PRKN: variants seen among roughly 807,000 people sequenced by gnomAD.
PRKN encodes the protein parkin RBR E3 ubiquitin protein ligase, also known as E3 ubiquitin-protein ligase parkin.
A neutral mutation model predicts 59.5 loss-of-function variants in PRKN; 56 were observed. That is an observed-to-expected ratio of 0.94 (90% CI 0.76 to 1.18). PRKN has a LOEUF of 1.18. PRKN is among the 50% of genes most tolerant of loss of function. The pLI, the probability that PRKN is intolerant of heterozygous loss-of-function variation, is 0.00. For synonymous variants in PRKN, 250 were observed against 222.1 expected (o/e 1.13, Z -1.12); for missense variants, 657 against 596.4 (o/e 1.10, Z -1.06).
chr6:162,589,853 TC>T (rs1781229732), intron 1 of PRKN, among the ~76,000 whole-genome samples: 1 of 152,242 alleles, frequency 6.6e-6, no homozygotes. Flanking sequence ...TGTTTTTGTT[TC>T]TGTCATGGTA....
At chr6:161,587,632 C>CT (rs75728769) in intron 7 of PRKN, among the ~76,000 whole-genome samples, 179 of 150,524 alleles carry the variant, frequency 1.2e-3, no homozygotes, top group African/African-American at 3.7e-3. Context: ...TTCATTCCTG[C>CT]TTTTTTTTTA....
At chr6:162,125,538 T>A (rs1291793864) in intron 4 of PRKN, among the ~76,000 whole-genome samples, 1 of 152,106 alleles carries the variant, frequency 6.6e-6, no homozygotes, top group Non-Finnish European at 1.5e-5. Flanking sequence ...GAAGAAAGGG[T>A]TAGAACACGA....
At chr6:161,922,435 C>G (rs1186487146) in intron 6 of PRKN, among the ~76,000 whole-genome samples, 1 of 152,002 alleles carries the variant, frequency 6.6e-6, no homozygotes, top group African/African-American at 2.4e-5. Context: ...TATTAGTTTA[C>G]TTTTTTCTCT....
chr6:161,956,697 A>G (rs1056780001), intron 6 of PRKN, among the ~76,000 whole-genome samples: 4 of 152,204 alleles, frequency 2.6e-5, no homozygotes, highest in African/African-American at 7.2e-5. Flanking sequence ...TTGCAAAAAC[A>G]TATACATATA....
chr6:161,421,794 A>C (rs1035557749), intron 9 of PRKN, among the ~76,000 whole-genome samples: 6 of 152,204 alleles, frequency 3.9e-5, no homozygotes, highest in Non-Finnish European at 7.3e-5. Flanking sequence ...TTTTTTAAAA[A>C]GTTAAAATTT....
Position 162,482,125 on chromosome 6 carries a change from G to A in PRKN, c.8-38652C>T, listed in dbSNP as rs1240787061. On this transcript the variant is annotated intron_variant, in intron 1 of 11. Coordinates refer to ENST00000366898, the MANE Select transcript of PRKN (RefSeq NM_004562.3). Reference sequence around the variant, plus strand: ...ATGTTTACTCAGATAATGAAAAGTGGTGTGATAACCTTATCTCCTGGGATA... The same window carrying A: ...ATGTTTACTCAGATAATGAAAAGTGATGTGATAACCTTATCTCCTGGGATA... Among the ~76,000 whole-genome samples the A allele has an allele frequency of 3.3e-5, 5 of 152,248 alleles. No individual in the cohort carries two copies. The East Asian group carries it at 9.7e-4, about 29-fold the overall frequency.
At chr6:162,402,622 T>C (rs1006301146) in intron 2 of PRKN, among the ~76,000 whole-genome samples, 1 of 151,536 alleles carries the variant, frequency 6.6e-6, no homozygotes, top group South Asian at 2.1e-4. Context: ...GGGGTTTGTG[T>C]CTTTCCTTGT....
intron 7 of PRKN, among the ~76,000 whole-genome samples, chr6:161,754,932 C>A (rs1471182988): frequency 1.3e-5 from 2 of 152,136 alleles, no homozygotes; most frequent in Non-Finnish European, 2.9e-5. Context: ...GATGGCAGAG[C>A]CTGGTTTGAG....
At chr6:162,597,078 C>T (rs186980196) in intron 1 of PRKN, among the ~76,000 whole-genome samples, 104 of 152,236 alleles carry the variant, frequency 6.8e-4, no homozygotes, top group African/African-American at 2.3e-3. Context: ...TAAAAATAAA[C>T]GAACCATTAA....
chr6:162,282,518 G>C (rs1025453169), intron 2 of PRKN, among the ~76,000 whole-genome samples: 9 of 152,188 alleles, frequency 5.9e-5, no homozygotes, highest in Non-Finnish European at 1.2e-4. Context: ...AGATGTACAT[G>C]CAGAAATTCT....
intron 6 of PRKN, among the ~76,000 whole-genome samples, chr6:161,838,730 A>G (rs552763175): frequency 2.6e-5 from 4 of 152,326 alleles, no homozygotes; most frequent in South Asian, 4.1e-4. Flanking sequence ...TACTGCAGGG[A>G]GGAGACACAA....
chr6:161,897,329 C>T (rs778389074), intron 6 of PRKN, among the ~76,000 whole-genome samples: 16 of 152,160 alleles, frequency 1.1e-4, no homozygotes, highest in Non-Finnish European at 2.1e-4. Flanking sequence ...CCTATCATCC[C>T]TCTCATTCAA....
At chr6:162,645,630 T>A (rs77550487) in intron 1 of PRKN, among the ~76,000 whole-genome samples, 1 of 152,194 alleles carries the variant, frequency 6.6e-6, no homozygotes, top group African/African-American at 2.4e-5. Flanking sequence ...AAAGTGCTTT[T>A]TGAAATACTC....
At position 161,525,723 on chromosome 6, in the gene PRKN, A is replaced by G. The variant is rs1778993672; in HGVS notation, c.1083+23131T>C. Among the ~76,000 whole-genome samples, 1 of 152,176 alleles carries G rather than the reference A, an allele frequency of 6.6e-6. No homozygotes were observed. Among genetic ancestry groups the G allele is most frequent in the Admixed American group, 6.5e-5 (1 of 15,276 alleles). ...CTATACTATTTTAAAAAATTATTCT[A>G]TTCAGCGCATTGCATCAGAAATGCT... On this transcript the variant is annotated intron_variant, in intron 9 of 11. Coordinates refer to ENST00000366898, the MANE Select transcript of PRKN (RefSeq NM_004562.3). The surrounding 1 kb of genome is among the most constrained non-coding windows in gnomAD (Gnocchi z 4.7).
chr6:161,526,835 C>A lies in PRKN; in HGVS notation c.1083+22019G>T, dbSNP rs893255446. Among the ~76,000 whole-genome samples, 22 of 152,168 alleles carry A rather than the reference C, an allele frequency of 1.4e-4. No individual in the cohort carries two copies. Among genetic ancestry groups the A allele is most frequent in the African/African-American group, 4.8e-4 (20 of 41,510 alleles). ...TTATTACATACATATGCATGAGAGT[C>A]CCTCAAAATATAAGGCTCAAAGAAG... On this transcript the variant is annotated intron_variant, in intron 9 of 11. Transcript: ENST00000366898. The surrounding 1 kb of genome is among the most constrained non-coding windows in gnomAD (Gnocchi z 4.1).
At chr6:162,632,669 T>C (rs1332106140) in intron 1 of PRKN, among the ~76,000 whole-genome samples, 1 of 151,586 alleles carries the variant, frequency 6.6e-6, no homozygotes, top group Non-Finnish European at 1.5e-5. Context: ...AAATATAAAT[T>C]AAAAAAATAA....
chr6:161,758,583 A>T (rs557542000), intron 7 of PRKN, among the ~76,000 whole-genome samples: 16 of 152,326 alleles, frequency 1.1e-4, no homozygotes, highest in African/African-American at 3.8e-4. Context: ...TGTTCCTTAC[A>T]TTGATTGTTT....
In PRKN at chr6:162,555,768, A is replaced by G. The variant is rs567062776; in HGVS notation, c.8-112295T>C. On this transcript the variant is annotated intron_variant, in intron 1 of 11. Transcript: ENST00000366898. Reference sequence around the variant, plus strand: ...CACTTTGGGAGGCCGAGGCAGGTGGATCACCTGAGGTCAGAAGCTTGAGGC... The same window carrying G: ...CACTTTGGGAGGCCGAGGCAGGTGGGTCACCTGAGGTCAGAAGCTTGAGGC... Among the ~76,000 whole-genome samples, 35 of 152,272 alleles carry G rather than the reference A, an allele frequency of 2.3e-4. No homozygotes were observed. In the South Asian group the frequency reaches 6.4e-3, roughly 28 times the overall value.
At chr6:162,349,329 G>A (rs1009897490) in intron 2 of PRKN, among the ~76,000 whole-genome samples, 16 of 152,122 alleles carry the variant, frequency 1.1e-4, no homozygotes, top group South Asian at 4.1e-4. Context: ...AGCCAGGCGT[G>A]TTGGCATGCG....
Sources: gnomAD v4.1 joint callset for allele counts (sites outside exome capture counted in the v4.1 genomes callset) on GRCh38, gnomAD v4.1.1 for gene constraint, Gnocchi (gnomAD v3.1) non-coding constraint, MANE v1.5 for transcripts, NCBI Gene and HGNC (gene_info 2026-07-23, HGNC 2026-07-21) for gene names.